The following PCCA variants were observed in gnomAD, a reference collection of about 807,000 sequenced individuals.
The protein encoded by PCCA is propionyl-CoA carboxylase alpha chain, mitochondrial.
In PCCA, 74 loss-of-function variants were observed where a neutral mutation model predicts 101.3. The observed-to-expected ratio is 0.73, with a 90% confidence interval of 0.61 to 0.89. PCCA has a LOEUF of 0.89. PCCA is among the 40% of genes least tolerant of loss of function. PCCA has a pLI of 0.00. For synonymous variants in PCCA, 294 were observed against 313.6 expected (o/e 0.94, Z 0.66); for missense variants, 891 against 907.0 (o/e 0.98, Z 0.23).
At chr13:100,515,049 C>A (rs1341232094) in intron 21 of PCCA, among the ~76,000 whole-genome samples, 1 of 152,224 alleles carries the variant, frequency 6.6e-6, no homozygotes. Context: ...ATGTCACCTC[C>A]TCCATCCCCT....
At chr13:100,301,365 T>A in intron 12 of PCCA, 95 bp from the exon 13 acceptor site, 1 of 1,387,318 alleles carries the variant, frequency 7.2e-7, no homozygotes, top group African/African-American at 1.4e-5. Flanking sequence ...TTCGATTAAC[T>A]TCATTTTACC....
At chr13:100,257,815 A>T (rs534341357) in intron 9 of PCCA, 142 bp downstream of exon 9, 3 of 684,692 alleles carry the variant, frequency 4.4e-6, no homozygotes, top group Non-Finnish European at 8.0e-6. Context: ...TGGGAAAAAG[A>T]TTGAAATTAT....
intron 20 of PCCA, among the ~76,000 whole-genome samples, chr13:100,430,228 T>C (rs1006658209): frequency 2.0e-5 from 3 of 152,028 alleles, no homozygotes; most frequent in Admixed American, 6.6e-5. Flanking sequence ...ATCGCGCCAT[T>C]GCACTCCAGC....
chr13:100,127,147 A>G (rs1008447710), intron 4 of PCCA, among the ~76,000 whole-genome samples: 3 of 152,198 alleles, frequency 2.0e-5, no homozygotes, highest in African/African-American at 7.2e-5. Context: ...GGCAAAAATT[A>G]TATTTGGGCA....
intron 8 of PCCA, chr13:100,237,494 A>G (rs2060873627): frequency 6.6e-6 from 1 of 152,206 alleles, no homozygotes; most frequent in South Asian, 2.1e-4. Context: ...TGGACTATAT[A>G]GAACTGATTC....
chr13:100,117,737 C>T (rs1030558956), intron 4 of PCCA, among the ~76,000 whole-genome samples: 2 of 151,736 alleles, frequency 1.3e-5, no homozygotes, highest in African/African-American at 2.4e-5. Context: ...CAAACCTGCA[C>T]GTTGTGCACA....
intron 21 of PCCA, among the ~76,000 whole-genome samples, chr13:100,506,329 C>A (rs968323766): frequency 6.6e-6 from 1 of 151,122 alleles, no homozygotes; most frequent in Non-Finnish European, 1.5e-5. Context: ...TTAGGCAACC[C>A]CCCTACCAGC....
chr13:100,483,268 G>C (rs2084097354), intron 21 of PCCA, among the ~76,000 whole-genome samples: 1 of 151,870 alleles, frequency 6.6e-6, no homozygotes, highest in Admixed American at 6.6e-5. Context: ...AAAAAAAAAG[G>C]AGCTGGGCTT....
At chr13:100,243,225 G>A (rs899002154) in intron 8 of PCCA, among the ~76,000 whole-genome samples, 1 of 152,210 alleles carries the variant, frequency 6.6e-6, no homozygotes, top group Non-Finnish European at 1.5e-5. Context: ...AATTGACCAT[G>A]AGTTAGTTTT....
At chr13:100,448,183 T>TTTTTTG (rs1183045468) in intron 20 of PCCA, among the ~76,000 whole-genome samples, 5 of 152,068 alleles carry the variant, frequency 3.3e-5, no homozygotes, top group Non-Finnish European at 5.9e-5. Flanking sequence ...AGAGCAAGTT[T>TTTTTTG]TTTTTGTTTT....
chr13:100,328,270 G>A (rs924768759), intron 16 of PCCA, among the ~76,000 whole-genome samples: 1 of 151,808 alleles, frequency 6.6e-6, no homozygotes, highest in African/African-American at 2.4e-5. Flanking sequence ...GACTGAGGCA[G>A]GAGAATCGCT....
intron 6 of PCCA, 115 bp from the exon 7 acceptor site, chr13:100,209,217 C>T (rs2059056030): frequency 2.3e-6 from 2 of 872,446 alleles, no homozygotes; most frequent in Non-Finnish European, 3.7e-6. Flanking sequence ...ACTGTTGTTT[C>T]TGCAATAAAA....
At chr13:100,443,483 C>A (rs1224588898) in intron 20 of PCCA, among the ~76,000 whole-genome samples, 1 of 151,886 alleles carries the variant, frequency 6.6e-6, no homozygotes, top group Non-Finnish European at 1.5e-5. Context: ...TTTCATGACC[C>A]ATGAGAAGTA....
At chr13:100,171,446 G>A (rs185179521) in intron 6 of PCCA, among the ~76,000 whole-genome samples, 3 of 152,228 alleles carry the variant, frequency 2.0e-5, no homozygotes, top group African/African-American at 7.2e-5. Context: ...ATTCTAGACA[G>A]AATGAGCATG....
intron 6 of PCCA, among the ~76,000 whole-genome samples, chr13:100,202,228 G>C (rs1404588233): frequency 6.6e-6 from 1 of 151,292 alleles, no homozygotes; most frequent in Non-Finnish European, 1.5e-5. Flanking sequence ...TAGCTACTTG[G>C]GAGGTCAAGA....
intron 6 of PCCA, chr13:100,161,306 T>C (rs950673565): frequency 6.6e-6 from 1 of 152,190 alleles, no homozygotes; most frequent in African/African-American, 2.4e-5. Context: ...TTATCAAAAT[T>C]TAAAACATCT....
chr13:100,316,835 A>T (rs1266263885), intron 16 of PCCA, among the ~76,000 whole-genome samples: 1 of 151,666 alleles, frequency 6.6e-6, no homozygotes, highest in Non-Finnish European at 1.5e-5. Flanking sequence ...GTGTAGTGGC[A>T]TGATCTCGGC....
intron 4 of PCCA, among the ~76,000 whole-genome samples, chr13:100,120,731 A>AT (rs1452190909): frequency 2.0e-5 from 3 of 151,600 alleles, no homozygotes; most frequent in African/African-American, 4.8e-5. Flanking sequence ...TAAGTCATGA[A>AT]TTTTTTTTTA....
chr13:100,279,585 C>T (rs780401176), intron 12 of PCCA, among the ~76,000 whole-genome samples: 3 of 152,254 alleles, frequency 2.0e-5, no homozygotes, highest in Non-Finnish European at 4.4e-5. Context: ...AAACAATTCT[C>T]CTGCCTCAGC....
Sources: gnomAD v4.1 joint callset for allele counts (sites outside exome capture counted in the v4.1 genomes callset) on GRCh38, gnomAD v4.1.1 for gene constraint, MANE v1.5 for transcripts, NCBI Gene and HGNC (gene_info 2026-07-23, HGNC 2026-07-21) for gene names.